LCK: variants seen among roughly 807,000 people sequenced by gnomAD.
The protein encoded by LCK is tyrosine-protein kinase Lck.
In LCK, 14 loss-of-function variants were observed where a neutral mutation model predicts 64.6. The ratio of observed to expected loss-of-function variants is 0.22; its 90% CI spans 0.14 to 0.34. The LOEUF (loss-of-function observed/expected upper bound fraction) is 0.34, where lower values mean the gene tolerates loss of function less well. LCK is among the 10% of genes least tolerant of loss of function. The pLI is 1.00. For missense variants in LCK, 434 were observed against 668.1 expected, an observed-to-expected ratio of 0.65 and a Z score of 3.86; for synonymous variants, 277 against 263.6, an observed-to-expected ratio of 1.05 and a Z score of -0.49.
chr1:32,256,580 A>G (rs1639639173), intron 1 of LCK, among the ~76,000 whole-genome samples: 1 of 151,954 alleles, frequency 6.6e-6, no homozygotes. Flanking sequence ...CCTGGGCAAC[A>G]AGAGCAAAAC....
intron 1 of LCK, among the ~76,000 whole-genome samples, chr1:32,262,613 G>A (rs934130530): frequency 6.6e-6 from 1 of 150,960 alleles, no homozygotes; most frequent in Non-Finnish European, 1.5e-5. Context: ...TAGTAGAGAC[G>A]GGGTTTCACC....
intron 1 of LCK, among the ~76,000 whole-genome samples, chr1:32,273,897 A>C (rs1640177018): frequency 6.6e-6 from 1 of 152,104 alleles, no homozygotes; most frequent in African/African-American, 2.4e-5. Context: ...TGTGGCGTGC[A>C]CACCTCTCCA....
At chr1:32,273,245 G>A (rs1640160345) in intron 1 of LCK, among the ~76,000 whole-genome samples, 1 of 149,956 alleles carries the variant, frequency 6.7e-6, no homozygotes, top group South Asian at 2.1e-4. Context: ...GTGAGTCTGT[G>A]TGTGAGTGTG....
chr1:32,276,714 C>G lies in LCK; in HGVS notation c.892C>G (p.Gln298Glu). The change falls in exon 9 of 13, where the codon CAG becomes GAG. Residue 298 changes from glutamine to glutamate, a missense_variant. Physicochemically the swap from Gln to Glu is conservative, Grantham distance 29 (BLOSUM62 2). Coordinates refer to ENST00000336890, the MANE Select transcript of LCK (RefSeq NM_005356.5). This position sits in a 1 kb window ranked among gnomAD's most constrained non-coding sequence, Gnocchi z 4.6. The stretch of plus-strand genomic sequence containing the variant: ...CAACCTCATGAAGCAGCTGCAACAC[C>G]AGCGGCTGGTTCGGCTCTACGCTGT... The part of the protein sequence containing the change: ...EANLMKQLQH[Q>E]RLVRLYAVVT... 1 of 1,614,088 alleles carries G rather than the reference C, an allele frequency of 6.2e-7. No individual in the cohort carries two copies. Among genetic ancestry groups the G allele is most frequent in the South Asian group, 1.1e-5 (1 of 91,066 alleles).
At position 32,276,454 on chromosome 1, in the gene LCK, G is replaced by A. The variant is rs745493214; in HGVS notation, c.749G>A (p.Arg250Gln). ...VPRETLKLVE[R>Q]LGAGQFGEVW... is the part of the protein sequence containing the mutation. ...AGGGAGACGCTGAAGCTGGTGGAGC[G>A]GCTGGGGGCTGGACAGTTCGGGGAG... is the stretch of plus-strand genomic sequence containing the variant. The change falls in exon 8 of 13, where the codon CGG (arginine) becomes CAG (glutamine). Residue 250 changes from arginine (R) to glutamine (Q), a missense_variant. This residue lies in a region of LCK where 201 missense variants were observed against 376.9 expected (regional missense o/e 0.53). Transcript: ENST00000336890. This position sits in a 1 kb window ranked among gnomAD's most constrained non-coding sequence, Gnocchi z 4.6. The A allele has an allele frequency of 2.5e-6, 4 of 1,612,626 alleles. No homozygotes were observed. Among genetic ancestry groups the A allele is most frequent in the Admixed American group, 1.7e-5 (1 of 59,932 alleles).
chr1:32,274,921 T>C (rs1569951248), intron 3 of LCK, 72 bp from the exon 4 acceptor site: 1 of 1,613,990 alleles, frequency 6.2e-7, no homozygotes, highest in African/African-American at 1.3e-5. Context: ...GCCTTCCTTG[T>C]CCCCCACCCT....
rs1401948901 is a variant in LCK at position 32,285,826 on chromosome 1, T to C, written c.*110T>C. 1 of 1,143,910 alleles carries C rather than the reference T, an allele frequency of 8.7e-7. No homozygotes were observed. The highest frequency in any genetic ancestry group is 1.3e-6 in the Non-Finnish European group (1 of 795,912). 70.9% of individuals were successfully genotyped at this position (1,143,910 alleles called of 1,614,324 possible). ...CCTATGCACATATGGACTCTGCACA[T>C]GAATCCCACCCACATGTGACACATA... is the stretch of plus-strand genomic sequence containing the variant. On this transcript the variant is annotated 3_prime_UTR_variant, in exon 13 of 13. Coordinates refer to ENST00000336890, the MANE Select transcript of LCK (RefSeq NM_005356.5).
In LCK at chr1:32,275,375, C is replaced by T. The variant is rs942638932; in HGVS notation, c.333C>T (p.Ile111=). 2.0e-5 allele frequency: 33 copies of T among 1,614,174 alleles called. No individual in the cohort carries two copies. The highest frequency in any genetic ancestry group is 2.8e-5 in the Non-Finnish European group (33 of 1,180,026). ...TGACCACGGGCCAGGAAGGCTTCAT[C>T]CCCTTCAATTTTGTGGCCAAAGCGA... ...QSLTTGQEGF[I]PFNFVAKANS... is the part of the protein sequence containing the mutation. Residue 111 remains isoleucine, a synonymous_variant, in exon 5 of 13, where the codon ATC becomes ATT. Transcript: ENST00000336890. This position sits in a 1 kb window ranked among gnomAD's most constrained non-coding sequence, Gnocchi z 6.9.
At chr1:32,284,275 T>C (rs1312373690) in intron 12 of LCK, among the ~76,000 whole-genome samples, 1 of 148,036 alleles carries the variant, frequency 6.8e-6, no homozygotes, top group African/African-American at 2.5e-5. Flanking sequence ...TATATATCTG[T>C]GAGATATATA....
chr1:32,261,559 T>G (rs1454876079), intron 1 of LCK, among the ~76,000 whole-genome samples: 1 of 146,876 alleles, frequency 6.8e-6, no homozygotes, highest in Non-Finnish European at 1.5e-5. Context: ...GGCAGGATAA[T>G]CACTTGAACC....
chr1:32,258,677 GC>G (rs1639689208), intron 1 of LCK, among the ~76,000 whole-genome samples: 1 of 145,440 alleles, frequency 6.9e-6, no homozygotes, highest in Non-Finnish European at 1.5e-5. Flanking sequence ...GGTGGCGGGT[GC>G]CTGTAATCCC....
Position 32,276,189 on chromosome 1 carries a change from G to A in LCK, c.631+126G>A, listed in dbSNP as rs955787565. 6 of 1,443,686 alleles carry A rather than the reference G, an allele frequency of 4.2e-6. No individual in the cohort carries two copies. The highest frequency in any genetic ancestry group is 1.4e-5 in the African/African-American group (1 of 71,408). 89.4% of individuals were successfully genotyped at this position (1,443,686 alleles called of 1,614,324 possible). Reference sequence around the variant, plus strand: ...CCGCAGTGGGTGAGGTGTGGAACCTGACCCTACGGCCCCAAGTGTTTGGGT... The same window carrying A: ...CCGCAGTGGGTGAGGTGTGGAACCTAACCCTACGGCCCCAAGTGTTTGGGT... On this transcript the variant is annotated intron_variant, in intron 7 of 12. Coordinates refer to ENST00000336890, the MANE Select transcript of LCK (RefSeq NM_005356.5). This position sits in a 1 kb window ranked among gnomAD's most constrained non-coding sequence, Gnocchi z 4.6.
At chr1:32,270,682 C>T (rs1380075121) in intron 1 of LCK, among the ~76,000 whole-genome samples, 2 of 139,178 alleles carry the variant, frequency 1.4e-5, no homozygotes, top group Non-Finnish European at 3.1e-5. Context: ...AATGAGCCAT[C>T]GTGCCCGGAC....
chr1:32,275,918 G>A lies in LCK; in HGVS notation c.486G>A (p.Ser162=), dbSNP rs1126767. ...LIRESESTAG[S]FSLSVRDFDQ... is the part of the protein sequence containing the mutation. ...TCCATCCATTCATTCATTCAGGATC[G>A]TTTTCACTGTCGGTCCGGGACTTCG... Residue 162 remains serine (S), a synonymous_variant, in exon 7 of 13, where the codon TCG becomes TCA. Coordinates refer to ENST00000336890, the MANE Select transcript of LCK (RefSeq NM_005356.5). The surrounding 1 kb of genome is among the most constrained non-coding windows in gnomAD (Gnocchi z 6.9). The A allele has an allele frequency of 4.3e-6, 7 of 1,614,004 alleles. No individual in the cohort carries two copies. The highest frequency in any genetic ancestry group is 2.7e-5 in the African/African-American group (2 of 74,924).
intron 1 of LCK, among the ~76,000 whole-genome samples, chr1:32,273,132 G>T (rs1640155577): frequency 7.4e-6 from 1 of 134,852 alleles, no homozygotes; most frequent in Non-Finnish European, 1.6e-5. Context: ...GTGTGAGAGT[G>T]GGTGCCTGTG....
intron 1 of LCK, among the ~76,000 whole-genome samples, chr1:32,264,803 G>A (rs186632584): frequency 6.6e-6 from 1 of 152,146 alleles, no homozygotes; most frequent in Admixed American, 6.5e-5. Flanking sequence ...TCACCACGTT[G>A]CCCAGGCTGG....
At chr1:32,268,132 T>G (rs1639975971) in intron 1 of LCK, among the ~76,000 whole-genome samples, 1 of 151,520 alleles carries the variant, frequency 6.6e-6, no homozygotes, top group African/African-American at 2.4e-5. Context: ...AGGCGGAGGT[T>G]GCAGTGAGCT....
intron 12 of LCK, among the ~76,000 whole-genome samples, chr1:32,283,954 C>T (rs1640535900): frequency 1.3e-5 from 2 of 151,982 alleles, no homozygotes; most frequent in Non-Finnish European, 2.9e-5. Flanking sequence ...GATCTCAGCT[C>T]ACTGCAACCT....
Position 32,275,698 on chromosome 1 carries a change from G to A in LCK, c.481+26G>A, listed in dbSNP as rs1415616681. The A allele has an allele frequency of 3.2e-6, 5 of 1,538,778 alleles. No homozygotes were observed. The South Asian group carries it at 3.5e-5, about 11-fold the overall frequency. ...GTGAGCGGGCGGCGGTCTCGACCGG[G>A]CGCGGGGGTGCCCCGGGGTGTGCCC... On this transcript the variant is annotated intron_variant, in intron 6 of 12. Transcript: ENST00000336890. This position sits in a 1 kb window ranked among gnomAD's most constrained non-coding sequence, Gnocchi z 6.9.
Sources: gnomAD v4.1 joint callset for allele counts (sites outside exome capture counted in the v4.1 genomes callset) on GRCh38, gnomAD v4.1.1 for gene constraint, gnomAD v4.1.1 regional missense constraint, Gnocchi (gnomAD v3.1) non-coding constraint, MANE v1.5 for transcripts, NCBI Gene and HGNC (gene_info 2026-07-23, HGNC 2026-07-21) for gene names.